Variants in ADGRD2 observed in about 807,000 individuals in gnomAD.
The protein encoded by ADGRD2 is adhesion G protein-coupled receptor D2.
In ADGRD2, 71 loss-of-function variants were observed where a neutral mutation model predicts 44.4. That is an observed-to-expected ratio of 1.60 (90% confidence interval 1.32 to 1.95). ADGRD2 has a LOEUF of 1.95. ADGRD2 is among the 30% of genes most tolerant of loss of function. ADGRD2 has a pLI of 0.00. For missense variants in ADGRD2, 1,039 were observed against 512.4 expected, an observed-to-expected ratio of 2.03 and a Z score of -9.92; for synonymous variants, 481 against 224.8, an observed-to-expected ratio of 2.14 and a Z score of -10.19.
intron 17 of ADGRD2, among the ~76,000 whole-genome samples, chr9:124,472,983 C>T (rs1280306800): frequency 6.6e-6 from 1 of 152,246 alleles, no homozygotes; most frequent in East Asian, 1.9e-4. Context: ...CCGCCGCTGA[C>T]AGTCACATGA....
rs532635891 is a variant in ADGRD2 at position 124,472,970 on chromosome 9, G to A, written c.2758+2356G>A. ...CTCAAAAGGCAGGAGTGGGGTCTGG[G>A]CCCCGCCGCTGACAGTCACATGACC... is the stretch of plus-strand genomic sequence containing the variant. On this transcript the variant is annotated intron_variant, in intron 17 of 21. Coordinates refer to ENST00000334810, the Ensembl canonical transcript of ADGRD2. Among the ~76,000 whole-genome samples, 5 of 152,340 alleles carry A rather than the reference G, an allele frequency of 3.3e-5. No homozygotes were observed. The South Asian group carries it at 8.3e-4, about 25-fold the overall frequency.
rs1438157361 is a variant in ADGRD2, at chr9:124,453,045, C to T, written c.294C>T (p.Thr98=). The T allele has an allele frequency of 1.9e-5, 13 of 667,196 alleles. No individual in the cohort carries two copies. The East Asian group carries it at 3.5e-4, about 18-fold the overall frequency. 41.3% of individuals were successfully genotyped at this position (667,196 alleles called of 1,614,324 possible). ...CACGTGTCCCTGCAGGTGCGCGCAC[C>T]ACCGCCGTGCTGGTGTTCGACGAGA... Residue 98 remains threonine, a synonymous_variant, in exon 3 of 22, where the codon ACC becomes ACT. Coordinates refer to ENST00000334810, the Ensembl canonical transcript of ADGRD2.
intron 10 of ADGRD2, among the ~76,000 whole-genome samples, chr9:124,460,773 A>C (rs1196321027): frequency 6.6e-6 from 1 of 152,058 alleles, no homozygotes; most frequent in Non-Finnish European, 1.5e-5. Context: ...ACACTCATAT[A>C]CAAGTCTTTT....
chr9:124,463,660 G>A (rs1440546190), intron 10 of ADGRD2, among the ~76,000 whole-genome samples: 1 of 152,092 alleles, frequency 6.6e-6, no homozygotes, highest in African/African-American at 2.4e-5. Context: ...TTCTTGAGAT[G>A]GTTTGGTAAT....
intron 10 of ADGRD2, among the ~76,000 whole-genome samples, chr9:124,459,815 T>TCA (rs1188467675): frequency 8.9e-5 from 8 of 89,940 alleles, no homozygotes; most frequent in South Asian, 8.6e-4. Context: ...CCATGCCATT[T>TCA]TATATAAAAA....
At chr9:124,474,496 TC>T (rs1407157117) in intron 17 of ADGRD2, among the ~76,000 whole-genome samples, 1 of 152,018 alleles carries the variant, frequency 6.6e-6, no homozygotes, top group Non-Finnish European at 1.5e-5. Context: ...TTGGGGTCTG[TC>T]TTGGAGAATG....
intron 17 of ADGRD2, among the ~76,000 whole-genome samples, chr9:124,472,023 C>A (rs1427056724): frequency 1.3e-5 from 2 of 152,196 alleles, no homozygotes; most frequent in African/African-American, 2.4e-5. Context: ...GTTGCCATGG[C>A]GATTCCTCCA....
chr9:124,452,367 G>A (rs1451489068), intron 1 of ADGRD2, 143 bp from the exon 5 acceptor site: 1 of 666,270 alleles, frequency 1.5e-6, no homozygotes, highest in Non-Finnish European at 2.8e-6. Context: ...AAGAGGACAG[G>A]ACTCAGCAGG....
At chr9:124,473,111 G>A (rs187635972) in intron 17 of ADGRD2, among the ~76,000 whole-genome samples, 237 of 152,228 alleles carry the variant, frequency 1.6e-3, no homozygotes, top group African/African-American at 5.4e-3. Flanking sequence ...GTCTCTCTGT[G>A]TTTTCCCCTC....
rs779520879 is a variant in ADGRD2 at position 124,459,493 on chromosome 9, C to CA, written c.1870+786dup. Among the ~76,000 whole-genome samples, 710 of 129,420 alleles carry CA rather than the reference C, an allele frequency of 5.5e-3. 1 individual carries two copies. Among genetic ancestry groups the CA allele is most frequent in the Admixed American group, 0.012 (150 of 12,724 alleles). 84.9% of individuals were successfully genotyped at this position (129,420 alleles called of 152,430 possible). A position where few individuals can be genotyped will look rare whatever the true frequency, so the allele number is the denominator to read the frequency against. On this transcript the variant is annotated intron_variant, in intron 10 of 21. Transcript: ENST00000334810. Reference sequence around the variant, plus strand: ...TGGGTGACAGAACAAGACTCTGTCTCAAAAAAAAAAAAAAGTTTTGTAGAT... The same window carrying CA: ...TGGGTGACAGAACAAGACTCTGTCTCAAAAAAAAAAAAAAAGTTTTGTAGAT...
At chr9:124,452,427 C>G (rs1307452905) in intron 1 of ADGRD2, 83 bp from the exon 5 acceptor site, 1 of 712,694 alleles carries the variant, frequency 1.4e-6, no homozygotes, top group Non-Finnish European at 2.6e-6. Context: ...GACTCCAAGC[C>G]CAGTGTCCTT....
rs1831581017 is a variant in ADGRD2 at position 124,454,745 on chromosome 9, G to C, written c.1109-98G>C. ...TGGCGGCTTGTGACAAGTTTAATGG[G>C]TGCCCACCAAGAAGACCCTGGCAAA... On this transcript the variant is annotated intron_variant, in intron 5 of 21. Coordinates refer to ENST00000334810, the Ensembl canonical transcript of ADGRD2. This position sits in a 1 kb window ranked among gnomAD's most constrained non-coding sequence, Gnocchi z 4.5. The C allele has an allele frequency of 1.1e-5, 7 of 616,042 alleles. No individual in the cohort carries two copies. Among genetic ancestry groups the C allele is most frequent in the East Asian group, 8.2e-5 (3 of 36,394 alleles). The allele number at this position is 616,042 out of a possible 1,614,324, so 38.2% of individuals were successfully genotyped here. A position where few individuals can be genotyped will look rare whatever the true frequency, so the allele number is the denominator to read the frequency against.
At chr9:124,476,878 G>A (rs1832058631) in intron 21 of ADGRD2, 169 bp downstream of exon 24, 5 of 699,578 alleles carry the variant, frequency 7.1e-6, no homozygotes, top group Admixed American at 2.0e-5. Context: ...GGGGCCTGGC[G>A]GGGACCAGGC....
chr9:124,455,329 G>A (rs926782685), intron 6 of ADGRD2, among the ~76,000 whole-genome samples: 3 of 152,212 alleles, frequency 2.0e-5, no homozygotes, highest in Admixed American at 6.5e-5. Flanking sequence ...GGTGGCTCAC[G>A]CCCATAATCC....
rs961579721 is a variant in ADGRD2 at position 124,475,517 on chromosome 9, A to G, written c.2800+30A>G. ...GTCTGGGGGTGCCGGCTGCAGGGAG[A>G]GGGGTCCAAGGGGTAGGGAGGGTCC... On this transcript the variant is annotated intron_variant, in intron 18 of 21. Transcript: ENST00000334810. The G allele has an allele frequency of 5.5e-5, 39 of 714,708 alleles. No homozygotes were observed. In the Admixed American group the frequency reaches 7.7e-4, roughly 14 times the overall value. The allele number at this position is 714,708 out of a possible 1,614,324, so 44.3% of individuals were successfully genotyped here. A position where few individuals can be genotyped will look rare whatever the true frequency, so the allele number is the denominator to read the frequency against.
intron 17 of ADGRD2, among the ~76,000 whole-genome samples, chr9:124,473,561 C>G (rs912630686): frequency 2.0e-5 from 3 of 152,228 alleles, no homozygotes; most frequent in Non-Finnish European, 4.4e-5. Context: ...TTGTTTTGTT[C>G]AGTTGTTCAA....
rs1831778049 is a variant in ADGRD2 at position 124,464,483 on chromosome 9, C to T, written c.1871-1775C>T. On this transcript the variant is annotated intron_variant, in intron 10 of 21. Transcript: ENST00000334810. ...CATCTGAAATTGCATGAATTTATAG[C>T]TGTCTCTTAGGTTGCTATGAAGATC... Among the ~76,000 whole-genome samples the T allele has an allele frequency of 2.0e-5, 3 of 152,178 alleles. No individual in the cohort carries two copies. In the South Asian group the frequency reaches 6.2e-4, roughly 31 times the overall value.
intron 10 of ADGRD2, among the ~76,000 whole-genome samples, chr9:124,460,193 C>T (rs1408922203): frequency 2.0e-5 from 3 of 149,178 alleles, no homozygotes; most frequent in African/African-American, 2.5e-5. Context: ...AAAGCGTCCA[C>T]GCTCTGATTT....
exon 13 of ADGRD2, chr9:124,468,089 G>T: frequency 1.4e-6 from 1 of 718,500 alleles, no homozygotes; most frequent in Non-Finnish European, 2.6e-6. Flanking sequence ...CCTCTCCAGG[G>T]TCCCCAAGTC....
Sources: gnomAD v4.1 joint callset for allele counts (sites outside exome capture counted in the v4.1 genomes callset) on GRCh38, gnomAD v4.1.1 for gene constraint, Gnocchi (gnomAD v3.1) non-coding constraint, MANE v1.5 for transcripts, NCBI Gene and HGNC (gene_info 2026-07-23, HGNC 2026-07-21) for gene names.